Variants in TTC28 observed in about 807,000 individuals in gnomAD.
The protein encoded by TTC28 is tetratricopeptide repeat protein 28.
Under a neutral mutation model 198.0 loss-of-function variants are expected in TTC28, and 61 were observed. The ratio of observed to expected loss-of-function variants is 0.31; its 90% CI spans 0.25 to 0.38. TTC28 has a LOEUF of 0.38. TTC28 is among the 10% of genes least tolerant of loss of function. The pLI is 1.00. For missense variants in TTC28, 2,678 were observed against 3,164.0 expected (o/e 0.85, Z 3.69); for synonymous variants, 1,171 against 1,297.8 (o/e 0.90, Z 2.10).
chr22:28,628,950 G>GGAAAA (rs2051122859), intron 2 of TTC28, among the ~76,000 whole-genome samples: 3 of 149,988 alleles, frequency 2.0e-5, no homozygotes, highest in Admixed American at 6.6e-5. Context: ...GGAAAGGAAA[G>GGAAAA]GAAAAGAAAA....
chr22:28,559,682 T>A (rs563024787), intron 2 of TTC28, among the ~76,000 whole-genome samples: 1 of 152,302 alleles, frequency 6.6e-6, no homozygotes, highest in East Asian at 1.9e-4. Flanking sequence ...AACGGGTCAT[T>A]CTCTCCTTCA....
intron 2 of TTC28, among the ~76,000 whole-genome samples, chr22:28,617,331 T>C (rs968104624): frequency 5.6e-5 from 8 of 142,244 alleles, no homozygotes; most frequent in African/African-American, 1.1e-4. Context: ...GAACTTTTTT[T>C]GAAAAAAAAA....
chr22:28,183,544 T>C (rs1487466531), intron 5 of TTC28, among the ~76,000 whole-genome samples: 1 of 152,130 alleles, frequency 6.6e-6, no homozygotes, highest in Non-Finnish European at 1.5e-5. Context: ...AATCAAGTCC[T>C]CATTGTCTTT....
intron 2 of TTC28, among the ~76,000 whole-genome samples, chr22:28,328,787 AATAATAATAATAAT>A (rs1394599183): frequency 1.2e-3 from 170 of 145,294 alleles, no homozygotes; most frequent in African/African-American, 4.2e-3. Context: ...TAATAATAAT[AATAATAATAATAAT>A]AATATGTTCT....
At chr22:28,001,352 C>A (rs1433455235) in intron 15 of TTC28, 22 bp downstream of exon 15, 1 of 1,531,270 alleles carries the variant, frequency 6.5e-7, no homozygotes, top group Non-Finnish European at 8.8e-7. Flanking sequence ...CCCCGGCCCC[C>A]CACCATGTGT....
intron 2 of TTC28, among the ~76,000 whole-genome samples, chr22:28,565,782 T>C (rs565624694): frequency 6.6e-6 from 1 of 152,354 alleles, no homozygotes; most frequent in Admixed American, 6.5e-5. Context: ...TTTTTAGATT[T>C]TCCCTTAATG....
At chr22:28,150,404 C>T (rs1452689627) in intron 6 of TTC28, among the ~76,000 whole-genome samples, 1 of 152,134 alleles carries the variant, frequency 6.6e-6, no homozygotes, top group Non-Finnish European at 1.5e-5. Flanking sequence ...TGTTAAATCA[C>T]CTCCAAATGT....
At chr22:28,299,286 G>A (rs753690032) in intron 3 of TTC28, among the ~76,000 whole-genome samples, 1 of 151,016 alleles carries the variant, frequency 6.6e-6, no homozygotes, top group Non-Finnish European at 1.5e-5. Flanking sequence ...TAAATCTTGA[G>A]TCTCCTAGCC....
chr22:28,039,944 G>A (rs1354467397), intron 12 of TTC28, among the ~76,000 whole-genome samples: 2 of 152,106 alleles, frequency 1.3e-5, no homozygotes, highest in South Asian at 2.1e-4. Flanking sequence ...TACCATCAGA[G>A]AATACTATAA....
At chr22:28,589,931 G>A (rs752537651) in intron 2 of TTC28, among the ~76,000 whole-genome samples, 6 of 150,002 alleles carry the variant, frequency 4.0e-5, no homozygotes, top group Admixed American at 2.0e-4. Flanking sequence ...CCAGCTACTC[G>A]GGAGGCTGAG....
chr22:28,271,715 C>T (rs950260693), intron 5 of TTC28, among the ~76,000 whole-genome samples: 1 of 152,174 alleles, frequency 6.6e-6, no homozygotes, highest in Non-Finnish European at 1.5e-5. Context: ...AACAATTCTC[C>T]AGCCTCAGCC....
chr22:28,108,154 T>C lies in TTC28; in HGVS notation c.1691A>G (p.Tyr564Cys). ...ASTHGNLAVA[Y>C]QALGAHDRAL... The stretch of plus-strand genomic sequence containing the variant: ...CCGGTCATGGGCACCCAGGGCCTGG[T>C]AGGCCACGGCAAGGTTCCCATGTGT... The change falls in exon 7 of 23, where the codon TAC becomes TGC. Residue 564 changes from tyrosine (Y) to cysteine (C), a missense_variant. Transcript: ENST00000397906. 1 of 1,551,740 alleles carries C rather than the reference T, an allele frequency of 6.4e-7. No individual in the cohort carries two copies. The highest frequency in any genetic ancestry group is 8.7e-7 in the Non-Finnish European group (1 of 1,146,994).
Position 27,999,040 on chromosome 22 carries a change from G to T in TTC28, c.4619C>A (p.Ala1540Asp). The stretch of plus-strand genomic sequence containing the variant: ...GTGGGTGGCAAAGTGGACGCATTCA[G>T]CCTGGGTCAGGGCACTCATGACCCT... ...KERVMSALTQ[A>D]ECVHFATHIS... The change falls in exon 16 of 23, where the codon GCT (alanine) becomes GAT (aspartate). Residue 1540 changes from alanine to aspartate, a missense_variant. By Grantham distance (126) the Ala-to-Asp change is moderately radical. Around this residue, in one of 8 missense-constraint regions of TTC28, gnomAD observed 727 missense variants for 861.9 expected, o/e 0.84. Coordinates refer to ENST00000397906, the MANE Select transcript of TTC28 (RefSeq NM_001145418.2). 1 of 1,550,302 alleles carries T rather than the reference G, an allele frequency of 6.5e-7. No homozygotes were observed.
chr22:28,460,977 C>A (rs937011376), intron 2 of TTC28, among the ~76,000 whole-genome samples: 2 of 152,158 alleles, frequency 1.3e-5, no homozygotes, highest in African/African-American at 4.8e-5. Context: ...AGCCACCATA[C>A]CTGGCCTCCT....
intron 2 of TTC28, among the ~76,000 whole-genome samples, chr22:28,602,330 C>T (rs563061421): frequency 3.3e-5 from 5 of 152,140 alleles, no homozygotes; most frequent in African/African-American, 1.2e-4. Context: ...TGATCCTGGA[C>T]CAGAAGGGAA....
At chr22:28,140,486 CT>C (rs1341782752) in intron 6 of TTC28, among the ~76,000 whole-genome samples, 2 of 152,232 alleles carry the variant, frequency 1.3e-5, no homozygotes, top group African/African-American at 4.8e-5. Context: ...CTTAGAAACT[CT>C]GCAGAACTTT....
rs2046834597 is a variant in TTC28 at position 28,397,362 on chromosome 22, T to C, written c.382-90719A>G. On this transcript the variant is annotated intron_variant, in intron 2 of 22. Coordinates refer to ENST00000397906, the MANE Select transcript of TTC28 (RefSeq NM_001145418.2). ...CTCACTTAACAGGTGAAAACACAAA[T>C]TCACTGTACGGAATTGTCATGAATA... Among the ~76,000 whole-genome samples the C allele has an allele frequency of 3.3e-5, 5 of 152,220 alleles. No homozygotes were observed. In the South Asian group the frequency reaches 8.3e-4, roughly 25 times the overall value.
At chr22:28,630,062 C>T (rs1426216734) in intron 1 of TTC28, among the ~76,000 whole-genome samples, 2 of 151,880 alleles carry the variant, frequency 1.3e-5, no homozygotes, top group African/African-American at 2.4e-5. Context: ...CAGTGAGAGC[C>T]GGTTGTTAAG....
intron 5 of TTC28, among the ~76,000 whole-genome samples, chr22:28,193,197 G>A (rs553534174): frequency 1.3e-5 from 2 of 152,148 alleles, no homozygotes; most frequent in Admixed American, 6.5e-5. Context: ...GCTTCATTAA[G>A]TGAAGGAGAA....
Sources: allele counts gnomAD v4.1 joint callset (sites outside exome capture counted in the v4.1 genomes callset), GRCh38; gene constraint gnomAD v4.1.1; regional missense constraint gnomAD v4.1.1; transcripts MANE v1.5; gene names NCBI Gene and HGNC (gene_info 2026-07-23, HGNC 2026-07-21).